HEXA: variants seen among roughly 807,000 people sequenced by gnomAD.
HEXA encodes beta-hexosaminidase subunit alpha.
In HEXA, 54 loss-of-function variants were observed where a neutral mutation model predicts 73.3. That is an observed-to-expected ratio of 0.74 (90% CI 0.59 to 0.92). The LOEUF is 0.92. Ranked by LOEUF, HEXA falls within the 40% of genes least tolerant of loss-of-function variation. The pLI is 0.00. For synonymous variants in HEXA, 230 were observed against 246.9 expected (o/e 0.93, Z 0.64); for missense variants, 649 against 653.0 (o/e 0.99, Z 0.07).
At chr15:72,370,515 A>AC (rs2088976110) in intron 1 of HEXA, 3 of 396,300 alleles carry the variant, frequency 7.6e-6, no homozygotes, top group African/African-American at 2.1e-5. Context: ...ACACAGTAAG[A>AC]CCCCCATCTC....
In HEXA at chr15:72,346,815, T is replaced by C. The variant is rs2088621554; in HGVS notation, c.1147-105A>G. Reference sequence around the variant, plus strand: ...GACAACAGGTATGTGCTCCCTCTGTTCCCCAGCAGCAAAGTATGTCTCTGT... The same window carrying C: ...GACAACAGGTATGTGCTCCCTCTGTCCCCCAGCAGCAAAGTATGTCTCTGT... On this transcript the variant is annotated intron_variant, in intron 10 of 13. Coordinates refer to ENST00000268097, the MANE Select transcript of HEXA (RefSeq NM_000520.6). 3 of 1,039,840 alleles carry C rather than the reference T, an allele frequency of 2.9e-6. No individual in the cohort carries two copies. In the African/African-American group the frequency reaches 4.7e-5, roughly 16 times the overall value. The allele number at this position is 1,039,840 out of a possible 1,614,324, so 64.4% of individuals were successfully genotyped here.
rs367787802 is a variant in HEXA, at chr15:72,344,197, C to A, written c.1527-57G>T. 3 of 1,202,746 alleles carry A rather than the reference C, an allele frequency of 2.5e-6. No individual in the cohort carries two copies. The East Asian group carries it at 7.1e-5, about 28-fold the overall frequency. The allele number at this position is 1,202,746 out of a possible 1,614,324, so 74.5% of individuals were successfully genotyped here. ...AGCCCCTCAGAAGGGGCCCCAGCAA[C>A]ACTTTTCACACCAGTCAACAGTCTC... On this transcript the variant is annotated intron_variant, in intron 13 of 13. Coordinates refer to ENST00000268097, the MANE Select transcript of HEXA (RefSeq NM_000520.6).
intron 5 of HEXA, among the ~76,000 whole-genome samples, chr15:72,352,653 A>G (rs1243624665): frequency 7.6e-6 from 1 of 131,666 alleles, no homozygotes; most frequent in East Asian, 2.5e-4. Context: ...GAGCTCATAG[A>G]ATTACATACA....
At position 72,341,836 on chromosome 15, in the gene HEXA, C is replaced by G. The variant is rs985242522; in HGVS notation, c.*2241G>C. On this transcript the variant is annotated 3_prime_UTR_variant, in exon 14 of 14. Transcript: ENST00000268097. Reference sequence around the variant, plus strand: ...ACGGTGGAGGGTGAGGAACAGCACACTTTACCAATGAAAGTCGTGACCAGG... The same window carrying G: ...ACGGTGGAGGGTGAGGAACAGCACAGTTTACCAATGAAAGTCGTGACCAGG... The G allele has an allele frequency of 6.6e-6, 1 of 152,174 alleles. No homozygotes were observed. Among genetic ancestry groups the G allele is most frequent in the Admixed American group, 6.5e-5 (1 of 15,280 alleles). The allele number at this position is 152,174 out of a possible 1,614,324, so 9.4% of individuals were successfully genotyped here. A position where few individuals can be genotyped will look rare whatever the true frequency, so the allele number is the denominator to read the frequency against.
intron 5 of HEXA, among the ~76,000 whole-genome samples, chr15:72,352,856 G>T (rs2088718604): frequency 6.6e-6 from 1 of 152,098 alleles, no homozygotes; most frequent in Non-Finnish European, 1.5e-5. Flanking sequence ...TAGAGACAGA[G>T]TTTCACCATG....
chr15:72,358,515 A>C (rs981399991), intron 1 of HEXA: 3 of 152,196 alleles, frequency 2.0e-5, no homozygotes, highest in Admixed American at 6.5e-5. Flanking sequence ...GTACTCCCTA[A>C]ATCTGTAGTC....
Position 72,353,816 on chromosome 15 carries a change from A to G in HEXA, c.413-79T>C, listed in dbSNP as rs953415428. ...TCTCTATTTGGAAGGTTCTCAATGT[A>G]GCAGAGCATAACATTTGGGTACACA... On this transcript the variant is annotated intron_variant, in intron 3 of 13. Coordinates refer to ENST00000268097, the MANE Select transcript of HEXA (RefSeq NM_000520.6). The G allele has an allele frequency of 3.8e-6, 4 of 1,042,126 alleles. No homozygotes were observed. The African/African-American group carries it at 4.7e-5, about 12-fold the overall frequency. 64.6% of individuals were successfully genotyped at this position (1,042,126 alleles called of 1,614,324 possible).
In HEXA at chr15:72,355,439, T is replaced by C. The variant is rs933934504; in HGVS notation, c.412+120A>G. ...TACTTGGGAGGCTAAAGAGGGAAGATTGCTTGAGCCTAGGAGGCAGAGGTT... is the reference window on the plus strand; with the variant it reads ...TACTTGGGAGGCTAAAGAGGGAAGACTGCTTGAGCCTAGGAGGCAGAGGTT... On this transcript the variant is annotated intron_variant, in intron 3 of 13. Transcript: ENST00000268097. 3.0e-5 allele frequency: 23 copies of C among 769,950 alleles called. No homozygotes were observed. In the Middle Eastern group the frequency reaches 9.0e-4, roughly 30 times the overall value. 47.7% of individuals were successfully genotyped at this position (769,950 alleles called of 1,614,324 possible).
chr15:72,364,344 T>C (rs1351833549), intron 1 of HEXA, among the ~76,000 whole-genome samples: 2 of 152,062 alleles, frequency 1.3e-5, no homozygotes, highest in Non-Finnish European at 2.9e-5. Context: ...GTAACATTTT[T>C]CCCCTTACCA....
Position 72,353,160 on chromosome 15 carries a change from C to T in HEXA, c.478G>A (p.Glu160Lys), listed in dbSNP as rs2088724627. 1.9e-6 allele frequency: 3 copies of T among 1,610,800 alleles called. No individual in the cohort carries two copies. The highest frequency in any genetic ancestry group is 8.5e-7 in the Non-Finnish European group (1 of 1,177,100). The change falls in exon 5 of 14, where the codon GAG becomes AAG. Residue 160 changes from glutamate to lysine, a missense_variant. Coordinates refer to ENST00000268097, the MANE Select transcript of HEXA (RefSeq NM_000520.6). ...AEGTFFINKT[E>K]IEDFPRFPHR... ...GGAAAGCGGGGAAAGTCCTCAATCT[C>T]AGTCTTGTTGATAAAGAACTGTGCA...
intron 8 of HEXA, 73 bp from the exon 9 acceptor site, chr15:72,348,207 G>C (rs2088644503): frequency 1.0e-6 from 1 of 1,001,178 alleles, no homozygotes; most frequent in African/African-American, 1.6e-5. Flanking sequence ...TTAGTCACCT[G>C]GCCCCCTATA....
Position 72,353,168 on chromosome 15 carries a change from T to A in HEXA, c.470A>T (p.Asn157Ile), listed in dbSNP as rs1314136638. Residue 157 changes from asparagine (N) to isoleucine (I), a missense_variant, in exon 5 of 14, where the codon AAC (asparagine) becomes ATC (isoleucine). Transcript: ENST00000268097. ...GGGAAAGTCCTCAATCTCAGTCTTG[T>A]TGATAAAGAACTGTGCAGAACAAAC... is the stretch of plus-strand genomic sequence containing the variant. ...WKSAEGTFFI[N>I]KTEIEDFPRF... is the part of the protein sequence containing the mutation. 1 of 1,605,612 alleles carries A rather than the reference T, an allele frequency of 6.2e-7. No homozygotes were observed. Among genetic ancestry groups the A allele is most frequent in the South Asian group, 1.1e-5 (1 of 90,808 alleles).
chr15:72,364,185 A>G (rs2088888085), intron 1 of HEXA, among the ~76,000 whole-genome samples: 1 of 152,060 alleles, frequency 6.6e-6, no homozygotes, highest in Non-Finnish European at 1.5e-5. Flanking sequence ...CAGGAGAATC[A>G]CTTGAACCTG....
intron 5 of HEXA, chr15:72,351,799 C>T (rs146712568): frequency 0.015 from 2,320 of 151,052 alleles, 29 homozygotes; most frequent in Non-Finnish European, 0.024. Flanking sequence ...TAGGAACTTC[C>T]CCAGGAAAGG....
At chr15:72,361,211 C>T (rs1246518932) in intron 1 of HEXA, among the ~76,000 whole-genome samples, 1 of 152,212 alleles carries the variant, frequency 6.6e-6, no homozygotes, top group East Asian at 1.9e-4. Flanking sequence ...AGAAACCACT[C>T]ACTCCTTCTG....
At chr15:72,374,525 A>G (rs2089033506) in intron 1 of HEXA, among the ~76,000 whole-genome samples, 1 of 129,058 alleles carries the variant, frequency 7.7e-6, no homozygotes, top group African/African-American at 2.6e-5. Flanking sequence ...AGTAATTTAA[A>G]CACACTTGAA....
At chr15:72,351,303 T>C in intron 5 of HEXA, 69 bp from the exon 6 acceptor site, 3 of 1,057,262 alleles carry the variant, frequency 2.8e-6, no homozygotes, top group African/African-American at 1.6e-5. Context: ...CTTGCGATGT[T>C]GGGCGAGCTC....
chr15:72,374,908 T>G (rs1208545281), intron 1 of HEXA, among the ~76,000 whole-genome samples: 1 of 152,042 alleles, frequency 6.6e-6, no homozygotes, highest in Non-Finnish European at 1.5e-5. Context: ...AACTTTGAAC[T>G]CAATCATAAT....
At chr15:72,344,264 C>A in intron 13 of HEXA, 124 bp from the exon 14 acceptor site, 1 of 719,422 alleles carries the variant, frequency 1.4e-6, no homozygotes, top group Non-Finnish European at 2.5e-6. Flanking sequence ...CACTGTACAC[C>A]AAATGCACCT....
Sources: allele counts gnomAD v4.1 joint callset (sites outside exome capture counted in the v4.1 genomes callset), GRCh38; gene constraint gnomAD v4.1.1; transcripts MANE v1.5; gene names NCBI Gene and HGNC (gene_info 2026-07-23, HGNC 2026-07-21).